SLC13A3: variants seen among roughly 807,000 people sequenced by gnomAD.
SLC13A3 encodes the protein solute carrier family 13 member 3.
SLC13A3 carries 40 observed loss-of-function variants against 59.0 expected under a neutral mutation model. The ratio of observed to expected loss-of-function variants is 0.68; its 90% CI spans 0.53 to 0.88. The LOEUF (loss-of-function observed/expected upper bound fraction) is 0.88, where lower values mean the gene tolerates loss of function less well. Ranked by LOEUF, SLC13A3 falls within the 40% of genes least tolerant of loss-of-function variation. The probability of loss-of-function intolerance (pLI) is 0.00; values close to 1 mark genes in which losing one functional copy is unlikely to be tolerated. For synonymous variants in SLC13A3, 317 were observed against 330.3 expected (o/e 0.96, Z 0.44); for missense variants, 699 against 783.2 (o/e 0.89, Z 1.28).
At chr20:46,653,818 T>C (rs2062967405), upstream of SLC13A3, among the ~76,000 whole-genome samples, 1 of 152,204 alleles carries the variant, frequency 6.6e-6, no homozygotes, top group Non-Finnish European at 1.5e-5. Flanking sequence ...ATGGATATAC[T>C]ATATCGTGTT....
chr20:46,607,339 T>C (rs1374869953), intron 3 of SLC13A3, among the ~76,000 whole-genome samples: 1 of 152,200 alleles, frequency 6.6e-6, no homozygotes, highest in African/African-American at 2.4e-5. Context: ...AGGAACTTCC[T>C]TGTGCCTCTC....
intron 1 of SLC13A3, among the ~76,000 whole-genome samples, chr20:46,636,957 C>T (rs925627561): frequency 2.6e-5 from 4 of 152,090 alleles, no homozygotes; most frequent in East Asian, 1.9e-4. Flanking sequence ...CCCACCACCA[C>T]GCCTGGCTAA....
intron 3 of SLC13A3, among the ~76,000 whole-genome samples, chr20:46,607,507 T>C (rs2062447895): frequency 6.6e-6 from 1 of 152,198 alleles, no homozygotes; most frequent in Non-Finnish European, 1.5e-5. Flanking sequence ...TTCCTGCTCC[T>C]CCCTGATCCC....
chr20:46,670,730 C>A (rs529719235), upstream of SLC13A3, among the ~76,000 whole-genome samples: 8 of 152,240 alleles, frequency 5.3e-5, no homozygotes, highest in East Asian at 1.4e-3. Context: ...AAGAACCACC[C>A]AACTGAGCCC....
intron 4 of SLC13A3, 125 bp from the exon 5 acceptor site, chr20:46,596,467 A>T: frequency 1.4e-6 from 1 of 738,056 alleles, no homozygotes; most frequent in Non-Finnish European, 2.3e-6. Flanking sequence ...AAAACCCGTA[A>T]CAAGGTGCAA....
intron 1 of SLC13A3, among the ~76,000 whole-genome samples, chr20:46,660,010 G>A (rs6094418): frequency 0.014 from 2,105 of 152,142 alleles, 46 homozygotes; most frequent in African/African-American, 0.048. Context: ...ATAAATAAGG[G>A]CTTTTCTTCC....
chr20:46,594,022 G>A (rs1289084691), intron 5 of SLC13A3, among the ~76,000 whole-genome samples: 1 of 151,872 alleles, frequency 6.6e-6, no homozygotes, highest in African/African-American at 2.4e-5. Context: ...GACCACTCAG[G>A]GCAATCACTT....
At chr20:46,641,147 G>A (rs979162609) in intron 1 of SLC13A3, among the ~76,000 whole-genome samples, 4 of 152,144 alleles carry the variant, frequency 2.6e-5, no homozygotes, top group African/African-American at 9.7e-5. Flanking sequence ...AGTCTTCCCA[G>A]CTCAAAATAG....
intron 8 of SLC13A3, 31 bp from the exon 9 acceptor site, chr20:46,583,700 C>A: frequency 6.2e-7 from 1 of 1,613,354 alleles, no homozygotes; most frequent in Non-Finnish European, 8.5e-7. Context: ...ATCACGTGAC[C>A]ATGGGCATCT....
chr20:46,608,696 A>G, intron 3 of SLC13A3: 1 of 658,382 alleles, frequency 1.5e-6, no homozygotes, highest in East Asian at 2.9e-5. Flanking sequence ...CTTAGATGGT[A>G]CACGGATCAA....
At position 46,651,365 on chromosome 20, in the gene SLC13A3, C is replaced by T; in HGVS notation, c.57G>A (p.Val19=). Residue 19 remains valine, a synonymous_variant, in exon 1 of 13, where the codon GTG becomes GTA. Transcript: ENST00000279027. The stretch of plus-strand genomic sequence containing the variant: ...GCAGCGCGAGCGGCGTGAACAGCAG[C>T]ACCAGCAGCCGCCGCGCGCTCCACA... ...KKVWSARRLL[V]LLFTPLALLP... The T allele has an allele frequency of 2.0e-6, 3 of 1,511,444 alleles. No homozygotes were observed. Among genetic ancestry groups the T allele is most frequent in the Non-Finnish European group, 2.6e-6 (3 of 1,133,130 alleles). The allele number at this position is 1,511,444 out of a possible 1,614,324, so 93.6% of individuals were successfully genotyped here.
At chr20:46,610,903 C>G (rs1283988223) in intron 2 of SLC13A3, among the ~76,000 whole-genome samples, 1 of 152,042 alleles carries the variant, frequency 6.6e-6, no homozygotes, top group Non-Finnish European at 1.5e-5. Context: ...AATAAAGTTG[C>G]CGGGGCACCA....
Position 46,588,788 on chromosome 20 carries a change from T to C in SLC13A3, c.1016+372A>G, listed in dbSNP as rs550590341. Among the ~76,000 whole-genome samples the C allele has an allele frequency of 2.0e-5, 3 of 152,286 alleles. No individual in the cohort carries two copies. In the East Asian group the frequency reaches 5.8e-4, roughly 29 times the overall value. On this transcript the variant is annotated intron_variant, in intron 7 of 12. Coordinates refer to ENST00000279027, the MANE Select transcript of SLC13A3 (RefSeq NM_022829.6). ...AGGACATGAGTGGCACAGCTGGTCC[T>C]TGAACACAGGCCTACTGAACCCGTT... is the stretch of plus-strand genomic sequence containing the variant.
At chr20:46,582,494 T>C (rs912640886) in intron 9 of SLC13A3, 1 of 298,798 alleles carries the variant, frequency 3.3e-6, no homozygotes, top group African/African-American at 2.3e-5. Flanking sequence ...TCCCAGCTTC[T>C]TGGGAGTCTG....
At chr20:46,589,324 A>G in intron 6 of SLC13A3, 69 bp from the exon 7 acceptor site, 1 of 1,320,600 alleles carries the variant, frequency 7.6e-7, no homozygotes, top group Non-Finnish European at 1.1e-6. Context: ...TACAACAAGC[A>G]CCACCACCTG....
In SLC13A3 at chr20:46,651,459, T is replaced by C. The variant is rs2062951731; in HGVS notation, c.-38A>G. 1 of 1,209,034 alleles carries C rather than the reference T, an allele frequency of 8.3e-7. No homozygotes were observed. Among genetic ancestry groups the C allele is most frequent in the Non-Finnish European group, 1.0e-6 (1 of 969,842 alleles). 74.9% of individuals were successfully genotyped at this position (1,209,034 alleles called of 1,614,324 possible). On this transcript the variant is annotated 5_prime_UTR_variant, in exon 1 of 13. Transcript: ENST00000279027. Reference sequence around the variant, plus strand: ...CTGGCGGTACGGGCCGGCCCGGGACTGCCCCGCCTGGCCCCGGCGCCGGCT... The same window carrying C: ...CTGGCGGTACGGGCCGGCCCGGGACCGCCCCGCCTGGCCCCGGCGCCGGCT...
chr20:46,643,432 G>C (rs549564155), intron 1 of SLC13A3, among the ~76,000 whole-genome samples: 1 of 152,282 alleles, frequency 6.6e-6, no homozygotes, highest in East Asian at 1.9e-4. Context: ...ACATCTGGGA[G>C]AACAGAGGTT....
chr20:46,641,042 C>G (rs539852855), intron 1 of SLC13A3, among the ~76,000 whole-genome samples: 1 of 152,022 alleles, frequency 6.6e-6, no homozygotes, highest in African/African-American at 2.4e-5. Context: ...TGGGTCAAAC[C>G]GGGTAGGGAG....
chr20:46,637,208 A>AG (rs761723747), intron 1 of SLC13A3, among the ~76,000 whole-genome samples: 1 of 152,156 alleles, frequency 6.6e-6, no homozygotes, highest in Non-Finnish European at 1.5e-5. Context: ...CAGTGAGTGA[A>AG]GGGGAAGCTG....
Sources: gnomAD v4.1 joint callset for allele counts (sites outside exome capture counted in the v4.1 genomes callset) on GRCh38, gnomAD v4.1.1 for gene constraint, MANE v1.5 for transcripts, NCBI Gene and HGNC (gene_info 2026-07-23, HGNC 2026-07-21) for gene names.